The following UBAP2L variants were observed in gnomAD, a reference collection of about 807,000 sequenced individuals.
UBAP2L encodes ubiquitin associated protein 2 like.
A neutral mutation model predicts 130.6 loss-of-function variants in UBAP2L; 12 were observed. That is an observed-to-expected ratio of 0.09 (90% confidence interval 0.06 to 0.15). The LOEUF (loss-of-function observed/expected upper bound fraction) is 0.15. Ranked by LOEUF, UBAP2L falls within the 10% of genes least tolerant of loss-of-function variation. The pLI, the probability that UBAP2L is intolerant of heterozygous loss-of-function variation, is 1.00. For missense variants in UBAP2L, 965 were observed against 1,332.5 expected, an observed-to-expected ratio of 0.72 and a Z score of 4.29; for synonymous variants, 503 against 524.7, an observed-to-expected ratio of 0.96 and a Z score of 0.57.
Position 154,241,574 on chromosome 1 carries a change from T to C in UBAP2L, c.756+9T>C. On this transcript the variant is annotated intron_variant, in intron 9 of 26. Transcript: ENST00000428931. ...AAGATTGGAATGAAGATGTAGGTAT[T>C]CCCAGGTCATTCCTCACTAATGCCT... 2 of 1,613,986 alleles carry C rather than the reference T, an allele frequency of 1.2e-6. No individual in the cohort carries two copies. Among genetic ancestry groups the C allele is most frequent in the African/African-American group, 2.7e-5 (2 of 75,020 alleles).
upstream of UBAP2L, chr1:154,220,304 G>C (rs753532276): frequency 6.2e-7 from 1 of 1,611,410 alleles, no homozygotes. Flanking sequence ...TACTGGGTAA[G>C]ATGCGACAGC....
chr1:154,269,262 C>A, intron 26 of UBAP2L: 1 of 1,203,052 alleles, frequency 8.3e-7, no homozygotes, highest in Non-Finnish European at 1.2e-6. Flanking sequence ...CCTCTCCCAG[C>A]CTTCCCTCTT....
upstream of UBAP2L, chr1:154,220,511 C>G (rs772134342): frequency 2.4e-5 from 31 of 1,303,538 alleles, no homozygotes; most frequent in South Asian, 1.2e-4. Context: ...TGGAGCTCCC[C>G]GGCCATTTCC....
chr1:154,227,548 G>GTTTTTTTTTTTTTTTTTTTT, intron 3 of UBAP2L, among the ~76,000 whole-genome samples, 189 bp downstream of exon 3: 1 of 149,656 alleles, frequency 6.7e-6, no homozygotes, highest in Non-Finnish European at 1.5e-5. Context: ...CCTTTGTTTT[G>GTTTTTTTTTTTTTTTTTTTT]TTTTTTGTTT....
At chr1:154,233,130 C>A (rs1404763396) in intron 4 of UBAP2L, among the ~76,000 whole-genome samples, 1 of 152,042 alleles carries the variant, frequency 6.6e-6, no homozygotes, top group Non-Finnish European at 1.5e-5. Flanking sequence ...TCTCCTGCCC[C>A]AGTCTCCCGA....
intron 25 of UBAP2L, among the ~76,000 whole-genome samples, chr1:154,267,497 A>G (rs1429868733): frequency 7.2e-6 from 1 of 138,352 alleles, no homozygotes; most frequent in Non-Finnish European, 1.5e-5. Flanking sequence ...TAGGGACACT[A>G]TTGGTTTGCC....
In UBAP2L at chr1:154,236,599, C is replaced by T. The variant is rs764027777; in HGVS notation, c.578C>T (p.Ala193Val). Residue 193 changes from alanine (A) to valine (V), a missense_variant, in exon 7 of 27, where the codon GCT becomes GTT. This residue lies in a region of UBAP2L where 109 missense variants were observed against 146.6 expected (regional missense o/e 0.74). Coordinates refer to ENST00000428931, the MANE Select transcript of UBAP2L (RefSeq NM_014847.4). ...GSGRRGGRFS[A>V]QGMGTFNPAD... ...GGTAGGCGAGGAGGAAGGTTTTCTG[C>T]TCAAGGAATGGGGTAAGTTTCATTG... 1.1e-5 allele frequency: 17 copies of T among 1,613,908 alleles called. No individual in the cohort carries two copies. The highest frequency in any genetic ancestry group is 8.5e-7 in the Non-Finnish European group (1 of 1,180,004).
At position 154,257,369 on chromosome 1, in the gene UBAP2L, C is replaced by G. The variant is rs1208259918; in HGVS notation, c.2377C>G (p.Pro793Ala). The change falls in exon 20 of 27, where the codon CCT becomes GCT. Residue 793 changes from proline to alanine, a missense_variant. Pro to Ala is a conservative substitution (Grantham distance 27). Around this residue, in one of 9 missense-constraint regions of UBAP2L, gnomAD observed 393 missense variants for 408.1 expected, o/e 0.96. Transcript: ENST00000428931. Reference protein sequence around the residue: ...TSGKAPPNLPPGVPPLLPNPY... With the variant: ...TSGKAPPNLPAGVPPLLPNPY... ...AGGAAAAGCTCCTCCCAACCTCCCTCCTGGGGTCCCGCCGTTGTTGCCTAA... is the reference window on the plus strand; with the variant it reads ...AGGAAAAGCTCCTCCCAACCTCCCTGCTGGGGTCCCGCCGTTGTTGCCTAA... 6.2e-7 allele frequency: 1 copy of G among 1,613,728 alleles called. No individual in the cohort carries two copies. The highest frequency in any genetic ancestry group is 2.2e-5 in the East Asian group (1 of 44,892).
At chr1:154,236,542 C>G in intron 6 of UBAP2L, 24 bp from the exon 7 acceptor site, 1 of 1,613,682 alleles carries the variant, frequency 6.2e-7, no homozygotes. Flanking sequence ...CATCTCTCTT[C>G]TCTTTTTCTC....
chr1:154,225,040 AT>A lies in UBAP2L; in HGVS notation c.-40-40del, dbSNP rs1248505847. 2.4e-5 allele frequency: 33 copies of A among 1,380,642 alleles called. No homozygotes were observed. In the Admixed American group the frequency reaches 5.9e-4, roughly 25 times the overall value. 85.5% of individuals were successfully genotyped at this position (1,380,642 alleles called of 1,614,324 possible). Reference sequence around the variant, plus strand: ...GTGCTGATGAGAGAGTTAAAAACATATTTTGCCCACATTTAATACCTAATTT... The same window carrying A: ...GTGCTGATGAGAGAGTTAAAAACATATTTGCCCACATTTAATACCTAATTT... On this transcript the variant is annotated intron_variant, in intron 1 of 26. Coordinates refer to ENST00000428931, the MANE Select transcript of UBAP2L (RefSeq NM_014847.4).
chr1:154,254,127 A>C, intron 15 of UBAP2L, 38 bp downstream of exon 15: 1 of 1,453,212 alleles, frequency 6.9e-7, no homozygotes, highest in Non-Finnish European at 9.1e-7. Context: ...TGGTTAGGAG[A>C]ATAGTGGGCA....
chr1:154,269,223 A>C, intron 26 of UBAP2L: 5 of 920,294 alleles, frequency 5.4e-6, no homozygotes, highest in Non-Finnish European at 8.3e-6. Flanking sequence ...TCCTCATCCC[A>C]TCAGACCTGG....
At chr1:154,234,028 C>CA in intron 4 of UBAP2L, among the ~76,000 whole-genome samples, 1 of 151,892 alleles carries the variant, frequency 6.6e-6, no homozygotes, top group Non-Finnish European at 1.5e-5. Flanking sequence ...ACCTTCCCTA[C>CA]AAAAAAGACT....
Position 154,259,020 on chromosome 1 carries a change from G to T in UBAP2L, c.2486G>T (p.Arg829Ile). 1 of 1,613,904 alleles carries T rather than the reference G, an allele frequency of 6.2e-7. No homozygotes were observed. The highest frequency in any genetic ancestry group is 1.7e-5 in the Admixed American group (1 of 60,022). ...GATGACTTGCAGATGCTTCAGACAA[G>T]ATTTCCATTGGTGAGTATGTGGGAT... ...GYDDLQMLQT[R>I]FPLDYYSIPF... Residue 829 changes from arginine (R) to isoleucine (I), a missense_variant, in exon 21 of 27, where the codon AGA (arginine) becomes ATA (isoleucine). This residue lies in a region of UBAP2L where 194 missense variants were observed against 334.0 expected (regional missense o/e 0.58). Coordinates refer to ENST00000428931, the MANE Select transcript of UBAP2L (RefSeq NM_014847.4).
chr1:154,265,816 T>C lies in UBAP2L; in HGVS notation c.2903-685T>C, dbSNP rs75103809. On this transcript the variant is annotated intron_variant, in intron 24 of 26. Transcript: ENST00000428931. ...TGGTTTTTGTGTTCCACCTAGGCTA[T>C]AGGAGATGGCCTACTCCTGTCTACC... Among the ~76,000 whole-genome samples, 479 of 152,330 alleles carry C rather than the reference T, an allele frequency of 3.1e-3. 9 individuals carry two copies. The highest frequency in any genetic ancestry group is 0.013 in the East Asian group (69 of 5,188).
intron 24 of UBAP2L, among the ~76,000 whole-genome samples, chr1:154,262,418 A>G (rs1163911188): frequency 6.6e-6 from 1 of 152,202 alleles, no homozygotes. Flanking sequence ...TTTGGAGGAC[A>G]GGGAGTGAGA....
At chr1:154,245,167 C>CT (rs1455076204) in intron 10 of UBAP2L, among the ~76,000 whole-genome samples, 1 of 152,076 alleles carries the variant, frequency 6.6e-6, no homozygotes, top group Admixed American at 6.5e-5. Context: ...TTCAAGTATC[C>CT]GCCTGCTTTG....
At chr1:154,239,412 T>C (rs1672759236) in intron 8 of UBAP2L, among the ~76,000 whole-genome samples, 1 of 152,224 alleles carries the variant, frequency 6.6e-6, no homozygotes, top group South Asian at 2.1e-4. Flanking sequence ...GTCATTTTTA[T>C]GTCTTTCTGC....
intron 25 of UBAP2L, among the ~76,000 whole-genome samples, chr1:154,266,904 C>T (rs1025999696): frequency 6.6e-6 from 1 of 152,112 alleles, no homozygotes; most frequent in African/African-American, 2.4e-5. Flanking sequence ...ATGAGAGTGA[C>T]AGGAAACTAG....
Sources: gnomAD v4.1 joint callset for allele counts (sites outside exome capture counted in the v4.1 genomes callset) on GRCh38, gnomAD v4.1.1 for gene constraint, gnomAD v4.1.1 regional missense constraint, MANE v1.5 for transcripts, NCBI Gene and HGNC (gene_info 2026-07-23, HGNC 2026-07-21) for gene names.